Variants in SORCS2 observed in about 807,000 individuals in gnomAD.
The protein encoded by SORCS2 is sortilin related VPS10 domain containing receptor 2, also known as VPS10 domain-containing receptor SorCS2.
In SORCS2, 100 loss-of-function variants were observed where a neutral mutation model predicts 141.6. That is an observed-to-expected ratio of 0.71 (90% CI 0.60 to 0.83). SORCS2 has a LOEUF of 0.83. SORCS2 is among the 40% of genes least tolerant of loss of function. The pLI, the probability that SORCS2 is intolerant of heterozygous loss-of-function variation, is 0.00. For missense variants in SORCS2, 1,646 were observed against 1,560.2 expected, an observed-to-expected ratio of 1.05 and a Z score of -0.93; for synonymous variants, 789 against 676.9, an observed-to-expected ratio of 1.17 and a Z score of -2.57.
intron 3 of SORCS2, among the ~76,000 whole-genome samples, chr4:7,541,406 G>A (rs1468338314): frequency 1.3e-5 from 2 of 152,242 alleles, no homozygotes; most frequent in African/African-American, 4.8e-5. Context: ...AGGATTCCCA[G>A]TGCTCTGTAT....
At chr4:7,400,445 C>A (rs1476300758) in intron 2 of SORCS2, among the ~76,000 whole-genome samples, 1 of 149,784 alleles carries the variant, frequency 6.7e-6, no homozygotes, top group Non-Finnish European at 1.5e-5. Context: ...TGTGGGAGTT[C>A]CTGTTTATGG....
At chr4:7,678,061 C>T (rs1205964554) in intron 9 of SORCS2, among the ~76,000 whole-genome samples, 1 of 152,208 alleles carries the variant, frequency 6.6e-6, no homozygotes, top group Non-Finnish European at 1.5e-5. Flanking sequence ...TGGTCCCTGC[C>T]CTCGGGACAC....
At chr4:7,682,087 C>T (rs1227275497) in intron 9 of SORCS2, among the ~76,000 whole-genome samples, 1 of 152,202 alleles carries the variant, frequency 6.6e-6, no homozygotes, top group Non-Finnish European at 1.5e-5. Flanking sequence ...CTGATAGTTG[C>T]ACGTTTCTTA....
chr4:7,306,899 T>C (rs1717872703), intron 1 of SORCS2, among the ~76,000 whole-genome samples: 2 of 152,328 alleles, frequency 1.3e-5, no homozygotes, highest in South Asian at 4.1e-4. Context: ...GCTGGAGGGC[T>C]GGACTGGGTG....
At chr4:7,733,514 C>A in intron 24 of SORCS2, 93 bp downstream of exon 24, 1 of 1,014,770 alleles carries the variant, frequency 9.9e-7, no homozygotes, top group Admixed American at 2.8e-5. Context: ...GGCAGATGGC[C>A]CGTATCCCCC....
intron 1 of SORCS2, among the ~76,000 whole-genome samples, chr4:7,335,498 C>A (rs146751282): frequency 6.6e-6 from 1 of 152,174 alleles, no homozygotes; most frequent in Non-Finnish European, 1.5e-5. Flanking sequence ...TCTCTCTGGG[C>A]GGGCCTCACC....
chr4:7,254,261 A>C (rs1212137500), intron 1 of SORCS2, among the ~76,000 whole-genome samples: 1 of 152,210 alleles, frequency 6.6e-6, no homozygotes, highest in Non-Finnish European at 1.5e-5. Context: ...AAAGATATAG[A>C]ATCAAACTAA....
At chr4:7,334,386 C>G (rs1265969606) in intron 1 of SORCS2, among the ~76,000 whole-genome samples, 1 of 152,130 alleles carries the variant, frequency 6.6e-6, no homozygotes, top group Non-Finnish European at 1.5e-5. Flanking sequence ...TCACCCGCCC[C>G]TCCTTCCCCA....
Position 7,356,286 on chromosome 4 carries a change from G to A in SORCS2, c.481-40002G>A, listed in dbSNP as rs148904350. 6.4e-3 allele frequency among the ~76,000 whole-genome samples: 977 copies of A among 152,316 alleles called. 24 individuals carry two copies. The highest frequency in any genetic ancestry group is 0.04 in the Admixed American group (616 of 15,296). On this transcript the variant is annotated intron_variant, in intron 1 of 26. Transcript: ENST00000507866. ...GTTTGTTTTCTGTCTTGGCCCCTGC[G>A]TTAGTTTGCCTGGGCTGCTGTAACA...
chr4:7,590,514 G>A (rs180777472), intron 3 of SORCS2, among the ~76,000 whole-genome samples: 123 of 152,300 alleles, frequency 8.1e-4, no homozygotes, highest in Middle Eastern at 6.8e-3. Flanking sequence ...CTCGGGAGCC[G>A]GGCTGGGACG....
intron 3 of SORCS2, among the ~76,000 whole-genome samples, chr4:7,535,785 C>T (rs1712070145): frequency 6.6e-6 from 1 of 151,700 alleles, no homozygotes; most frequent in Non-Finnish European, 1.5e-5. Context: ...GGCCATGGAA[C>T]AGAGGCCTCA....
rs761055931 is a variant in SORCS2 at position 7,628,127 on chromosome 4, G to A, written c.649-10201G>A. ...GGGAGGCGGGGGTGTGTGGTCTCTG[G>A]GCTTCCAGGCTCCTGGGCTTCAGGT... On this transcript the variant is annotated intron_variant, in intron 3 of 26. Transcript: ENST00000507866. Among the ~76,000 whole-genome samples the A allele has an allele frequency of 5.3e-5, 8 of 152,182 alleles. No homozygotes were observed. The South Asian group carries it at 1.7e-3, about 32-fold the overall frequency.
intron 2 of SORCS2, chr4:7,433,200 C>T: frequency 8.7e-7 from 1 of 1,146,810 alleles, no homozygotes; most frequent in Non-Finnish European, 1.1e-6. Flanking sequence ...TTCAGCTCTG[C>T]TCCTTCCCAG....
chr4:7,376,231 T>C (rs1722642095), intron 1 of SORCS2, among the ~76,000 whole-genome samples: 1 of 150,878 alleles, frequency 6.6e-6, no homozygotes, highest in Non-Finnish European at 1.5e-5. Flanking sequence ...GTTGTAAATA[T>C]AAAGCATGCT....
intron 2 of SORCS2, among the ~76,000 whole-genome samples, chr4:7,414,333 C>T (rs1283884777): frequency 6.6e-6 from 1 of 152,000 alleles, no homozygotes; most frequent in Non-Finnish European, 1.5e-5. Flanking sequence ...ATAGGTTCCC[C>T]TAGGAGGGAC....
intron 1 of SORCS2, among the ~76,000 whole-genome samples, chr4:7,296,580 G>A (rs975908228): frequency 2.6e-5 from 4 of 152,196 alleles, no homozygotes; most frequent in Admixed American, 6.5e-5. Flanking sequence ...GCGAGGCACC[G>A]ATGGAGGGGT....
chr4:7,597,584 C>G (rs1020011363), intron 3 of SORCS2, among the ~76,000 whole-genome samples: 1 of 126,674 alleles, frequency 7.9e-6, no homozygotes, highest in Non-Finnish European at 1.6e-5. Context: ...GGGGCTGTTG[C>G]AATAAGGGAG....
At chr4:7,629,211 G>A (rs539031706) in intron 3 of SORCS2, among the ~76,000 whole-genome samples, 76 of 152,204 alleles carry the variant, frequency 5.0e-4, no homozygotes, top group South Asian at 1.0e-3. Context: ...ATAGCACATC[G>A]TAACCACAAG....
At chr4:7,610,215 T>C (rs916319422) in intron 3 of SORCS2, among the ~76,000 whole-genome samples, 2 of 152,120 alleles carry the variant, frequency 1.3e-5, no homozygotes, top group Non-Finnish European at 2.9e-5. Context: ...GAATGGGAGA[T>C]TGTTGGAGAG....
Sources: allele counts gnomAD v4.1 joint callset (sites outside exome capture counted in the v4.1 genomes callset), GRCh38; gene constraint gnomAD v4.1.1; transcripts MANE v1.5; gene names NCBI Gene and HGNC (gene_info 2026-07-23, HGNC 2026-07-21).